Variants in MARCHF1 observed in about 807,000 individuals in gnomAD.
The protein encoded by MARCHF1 is E3 ubiquitin-protein ligase MARCHF1.
MARCHF1 carries 40 observed loss-of-function variants against 54.2 expected under a neutral mutation model. That is an observed-to-expected ratio of 0.74 (90% CI 0.57 to 0.96). The LOEUF (loss-of-function observed/expected upper bound fraction) is 0.96. Ranked by LOEUF, MARCHF1 falls within the 40% of genes least tolerant of loss-of-function variation. MARCHF1 has a pLI of 0.00. For synonymous variants in MARCHF1, 236 were observed against 236.3 expected, an observed-to-expected ratio of 1.00 and a Z score of 0.01; for missense variants, 586 against 656.5, an observed-to-expected ratio of 0.89 and a Z score of 1.17.
At chr4:163,668,436 G>A (rs2111120988) in intron 5 of MARCHF1, among the ~76,000 whole-genome samples, 1 of 152,268 alleles carries the variant, frequency 6.6e-6, no homozygotes, top group African/African-American at 2.4e-5. Flanking sequence ...TAGGATCGTT[G>A]CACATACATG....
intron 5 of MARCHF1, among the ~76,000 whole-genome samples, chr4:163,692,004 A>C (rs958913722): frequency 6.6e-6 from 1 of 152,192 alleles, no homozygotes; most frequent in Non-Finnish European, 1.5e-5. Flanking sequence ...GAGAGGGTTA[A>C]CATGTGGTGC....
intron 1 of MARCHF1, among the ~76,000 whole-genome samples, chr4:164,146,382 A>G (rs1466228650): frequency 6.6e-6 from 1 of 151,942 alleles, no homozygotes; most frequent in Non-Finnish European, 1.5e-5. Context: ...CTGAACCAAA[A>G]GAACAAAGCT....
intron 3 of MARCHF1, among the ~76,000 whole-genome samples, chr4:163,981,885 A>T (rs1752770492): frequency 6.6e-6 from 1 of 152,010 alleles, no homozygotes; most frequent in Admixed American, 6.5e-5. Context: ...AAAAATTCAT[A>T]GTACAAAAAT....
At chr4:164,113,175 T>G (rs1755870961) in intron 1 of MARCHF1, among the ~76,000 whole-genome samples, 1 of 151,936 alleles carries the variant, frequency 6.6e-6, no homozygotes. Context: ...GAAATTGGTA[T>G]ATTAAAATCC....
intron 4 of MARCHF1, among the ~76,000 whole-genome samples, chr4:163,782,574 G>A (rs1747496097): frequency 6.7e-6 from 1 of 148,538 alleles, no homozygotes; most frequent in Non-Finnish European, 1.5e-5. Flanking sequence ...GGAGGCTGAG[G>A]AAGGAGAATC....
At chr4:163,716,920 A>T (rs1389469441) in intron 4 of MARCHF1, among the ~76,000 whole-genome samples, 2 of 152,168 alleles carry the variant, frequency 1.3e-5, no homozygotes, top group Non-Finnish European at 2.9e-5. Flanking sequence ...ATACATATTA[A>T]TTTTTTATTA....
chr4:163,850,374 C>G (rs1393646738), intron 4 of MARCHF1, among the ~76,000 whole-genome samples: 1 of 152,186 alleles, frequency 6.6e-6, no homozygotes, highest in Non-Finnish European at 1.5e-5. Flanking sequence ...ACAATTCCAG[C>G]CTCCTCCCTC....
chr4:163,964,047 A>C (rs1353150745), intron 3 of MARCHF1, among the ~76,000 whole-genome samples: 3 of 151,988 alleles, frequency 2.0e-5, no homozygotes, highest in Non-Finnish European at 4.4e-5. Context: ...CAATAAGCCA[A>C]AGGGTTTTCT....
At chr4:163,593,290 A>C (rs1699669833) in intron 7 of MARCHF1, among the ~76,000 whole-genome samples, 1 of 152,206 alleles carries the variant, frequency 6.6e-6, no homozygotes, top group African/African-American at 2.4e-5. Flanking sequence ...TGACAAAATT[A>C]AACTAGAGAT....
intron 9 of MARCHF1, among the ~76,000 whole-genome samples, chr4:163,544,710 C>CA (rs3214700): frequency 0.57 from 87,144 of 151,962 alleles, 25,516 homozygotes; most frequent in Admixed American, 0.7. Context: ...TACCTCCTCT[C>CA]TTTTTTTGTT....
intron 9 of MARCHF1, among the ~76,000 whole-genome samples, 153 bp from the exon 10 acceptor site, chr4:163,529,199 T>C (rs1341603270): frequency 2.0e-5 from 3 of 152,060 alleles, no homozygotes; most frequent in Non-Finnish European, 4.4e-5. Flanking sequence ...GAAAGAATTA[T>C]AACCCGAATT....
intron 3 of MARCHF1, among the ~76,000 whole-genome samples, chr4:163,956,305 T>C (rs544642874): frequency 1.3e-5 from 2 of 152,282 alleles, no homozygotes; most frequent in Non-Finnish European, 2.9e-5. Context: ...GTCTAACATA[T>C]AGTAAGTGTT....
intron 1 of MARCHF1, among the ~76,000 whole-genome samples, chr4:164,152,059 T>C (rs11939136): frequency 0.018 from 2,796 of 152,262 alleles, 80 homozygotes; most frequent in African/African-American, 0.064. Flanking sequence ...AGTTGCAATA[T>C]GAATAAGAAT....
At chr4:163,748,799 G>C (rs1269548607) in intron 4 of MARCHF1, among the ~76,000 whole-genome samples, 1 of 152,238 alleles carries the variant, frequency 6.6e-6, no homozygotes, top group East Asian at 1.9e-4. Flanking sequence ...GGGTGGCACA[G>C]CCCCCCCGCC....
In MARCHF1 at chr4:164,255,207, G is replaced by A. The variant is rs1381708307; in HGVS notation, c.-323+128663C>T. Among the ~76,000 whole-genome samples the A allele has an allele frequency of 5.9e-5, 9 of 152,198 alleles. No individual in the cohort carries two copies. In the East Asian group the frequency reaches 1.4e-3, roughly 23 times the overall value. On this transcript the variant is annotated intron_variant, in intron 1 of 9. Transcript: ENST00000514618. ...TGCCATCAGGGAAAGCTGGATGATA[G>A]ATACATAAATATCTCCGTTCTTGTA...
chr4:163,702,023 T>C (rs1313432287), intron 4 of MARCHF1, among the ~76,000 whole-genome samples: 1 of 152,194 alleles, frequency 6.6e-6, no homozygotes, highest in African/African-American at 2.4e-5. Flanking sequence ...AGATGTGTTA[T>C]TGCAGAAAAA....
At chr4:163,575,626 C>A (rs572583532) in intron 8 of MARCHF1, among the ~76,000 whole-genome samples, 1 of 151,930 alleles carries the variant, frequency 6.6e-6, no homozygotes, top group East Asian at 1.9e-4. Context: ...AGAATTGGGA[C>A]CAGCTCTTCT....
At chr4:164,372,638 T>C (rs952485944) in intron 1 of MARCHF1, among the ~76,000 whole-genome samples, 7 of 152,166 alleles carry the variant, frequency 4.6e-5, no homozygotes, top group Admixed American at 1.3e-4. Flanking sequence ...CCTACTATAA[T>C]ATGGTAAAAA....
At chr4:164,318,586 C>T (rs1450582068) in intron 1 of MARCHF1, among the ~76,000 whole-genome samples, 1 of 152,160 alleles carries the variant, frequency 6.6e-6, no homozygotes, top group Non-Finnish European at 1.5e-5. Flanking sequence ...GAAGCAATTG[C>T]TTTGAGTTTC....
Sources: allele counts gnomAD v4.1 joint callset (sites outside exome capture counted in the v4.1 genomes callset), GRCh38; gene constraint gnomAD v4.1.1; transcripts MANE v1.5; gene names NCBI Gene and HGNC (gene_info 2026-07-23, HGNC 2026-07-21).